Variants in AGBL1 observed in about 807,000 individuals in gnomAD.
AGBL1 encodes the protein cytosolic carboxypeptidase 4.
In AGBL1, 130 loss-of-function variants were observed where a neutral mutation model predicts 118.9. That is an observed-to-expected ratio of 1.09 (90% CI 0.95 to 1.26). AGBL1 has a LOEUF of 1.26. AGBL1 is among the 50% of genes most tolerant of loss of function. The pLI, the probability that AGBL1 is intolerant of heterozygous loss-of-function variation, is 0.00. For synonymous variants in AGBL1, 555 were observed against 478.9 expected (o/e 1.16, Z -2.08); for missense variants, 1,584 against 1,298.1 (o/e 1.22, Z -3.38).
intron 5 of AGBL1, among the ~76,000 whole-genome samples, chr15:86,208,900 G>A (rs970597473): frequency 6.6e-6 from 1 of 152,026 alleles, no homozygotes; most frequent in Admixed American, 6.6e-5. Flanking sequence ...TCTTTTAATT[G>A]TGATGTTAGG....
At chr15:86,637,563 CT>C (rs2085117168) in intron 21 of AGBL1, among the ~76,000 whole-genome samples, 1 of 152,008 alleles carries the variant, frequency 6.6e-6, no homozygotes, top group Non-Finnish European at 1.5e-5. Flanking sequence ...TTCTTTGGAG[CT>C]ACAAAAATAT....
chr15:86,292,841 G>A (rs1383914812), intron 16 of AGBL1, among the ~76,000 whole-genome samples: 1 of 152,150 alleles, frequency 6.6e-6, no homozygotes, highest in Admixed American at 6.5e-5. Flanking sequence ...TTCCTGAAAT[G>A]AACAATATAT....
At chr15:86,413,802 A>AT (rs1596084247) in intron 18 of AGBL1, among the ~76,000 whole-genome samples, 1 of 151,846 alleles carries the variant, frequency 6.6e-6, no homozygotes, top group Non-Finnish European at 1.5e-5. Context: ...GTTTGCAAAT[A>AT]TTTTTTCCCA....
At chr15:86,703,017 T>C (rs893669823) in intron 22 of AGBL1, among the ~76,000 whole-genome samples, 3 of 152,146 alleles carry the variant, frequency 2.0e-5, no homozygotes, top group Non-Finnish European at 2.9e-5. Context: ...AGACTGAGAA[T>C]ACATGGCCAG....
chr15:86,244,911 C>T (rs1010833016), intron 6 of AGBL1, among the ~76,000 whole-genome samples: 1 of 152,116 alleles, frequency 6.6e-6, no homozygotes, highest in African/African-American at 2.4e-5. Context: ...CAATAAATAA[C>T]TCTCATGCTG....
intron 18 of AGBL1, among the ~76,000 whole-genome samples, chr15:86,444,793 C>T (rs1316027408): frequency 2.0e-5 from 3 of 152,106 alleles, no homozygotes; most frequent in African/African-American, 7.2e-5. Flanking sequence ...CACCCACTCC[C>T]CATGCCTTCA....
At chr15:86,214,984 G>A (rs1478078141) in intron 5 of AGBL1, among the ~76,000 whole-genome samples, 6 of 152,192 alleles carry the variant, frequency 3.9e-5, no homozygotes, top group Non-Finnish European at 8.8e-5. Context: ...GAGTTGTAGG[G>A]GAGGAGGTTC....
At chr15:86,580,662 T>C (rs2084161030) in intron 21 of AGBL1, among the ~76,000 whole-genome samples, 1 of 152,080 alleles carries the variant, frequency 6.6e-6, no homozygotes, top group African/African-American at 2.4e-5. Context: ...CAAGTTAGGG[T>C]AATTAGGGCA....
rs559939114 is a variant in AGBL1, at chr15:86,697,838, G to A, written c.3158+23402G>A. Reference sequence around the variant, plus strand: ...GATGTGGCTTCCTGAGAGCTTAACTGTAGTAATTGTTATTTCTCTTCTGGA... The same window carrying A: ...GATGTGGCTTCCTGAGAGCTTAACTATAGTAATTGTTATTTCTCTTCTGGA... On this transcript the variant is annotated intron_variant, in intron 22 of 22. Transcript: ENST00000614907. 9.2e-5 allele frequency among the ~76,000 whole-genome samples: 14 copies of A among 152,030 alleles called. No homozygotes were observed. In the South Asian group the frequency reaches 1.5e-3, roughly 16 times the overall value.
chr15:86,769,533 A>G (rs917637358), intron 22 of AGBL1, among the ~76,000 whole-genome samples: 10 of 151,980 alleles, frequency 6.6e-5, no homozygotes, highest in Admixed American at 2.6e-4. Context: ...TTCTGCAAGT[A>G]ATCTTGTCCA....
chr15:86,818,479 AAC>A (rs1267050802), intron 22 of AGBL1, among the ~76,000 whole-genome samples: 1 of 152,202 alleles, frequency 6.6e-6, no homozygotes, highest in East Asian at 1.9e-4. Flanking sequence ...TCTGAGGTGG[AAC>A]AGTTTCATTC....
chr15:86,932,902 G>C lies in AGBL1; in HGVS notation c.3222-55085G>C, dbSNP rs1177484057. On this transcript the variant is annotated intron_variant, in intron 23 of 24. Transcript: ENST00000441037. ...ATGTTCTGGTCTTGACTGTCTGTGA[G>C]AGCCTTCCTGGTGGAAACAGAATTG... The C allele has an allele frequency of 2.0e-5, 3 of 152,114 alleles. No individual in the cohort carries two copies. In the East Asian group the frequency reaches 5.8e-4, roughly 29 times the overall value. The allele number at this position is 152,114 out of a possible 1,614,324, so 9.4% of individuals were successfully genotyped here.
At chr15:86,859,905 C>G (rs1035876342) in intron 22 of AGBL1, among the ~76,000 whole-genome samples, 1 of 152,090 alleles carries the variant, frequency 6.6e-6, no homozygotes, top group African/African-American at 2.4e-5. Context: ...AAGATACTGT[C>G]GAGTTTGCTA....
At chr15:86,162,995 C>T (rs2077288652) in intron 5 of AGBL1, among the ~76,000 whole-genome samples, 1 of 152,248 alleles carries the variant, frequency 6.6e-6, no homozygotes, top group South Asian at 2.1e-4. Context: ...TTTCGACATG[C>T]ATTCTATTGG....
intron 17 of AGBL1, among the ~76,000 whole-genome samples, chr15:86,378,742 A>G (rs2081072321): frequency 6.6e-6 from 1 of 152,122 alleles, no homozygotes; most frequent in East Asian, 1.9e-4. Context: ...ACATGTAAGT[A>G]ACATATGCAA....
intron 17 of AGBL1, among the ~76,000 whole-genome samples, chr15:86,343,462 C>T (rs944707686): frequency 6.6e-6 from 1 of 152,130 alleles, no homozygotes; most frequent in African/African-American, 2.4e-5. Context: ...GCTGATTTCT[C>T]CAGTTTCATG....
rs16976683 is a variant in AGBL1, at chr15:86,388,415, T to C, written c.2375-8951T>C. 4.5e-3 allele frequency among the ~76,000 whole-genome samples: 681 copies of C among 152,282 alleles called. 20 individuals carry two copies. The East Asian group carries it at 0.074, about 17-fold the overall frequency. On this transcript the variant is annotated intron_variant, in intron 17 of 22. Transcript: ENST00000614907. ...ATAGAATTAAAGCAGATTGAAACCA[T>C]TGGGTAAAAAGTTTGATTTTCATCT...
intron 5 of AGBL1, among the ~76,000 whole-genome samples, chr15:86,209,728 TC>T (rs775988072): frequency 5.9e-5 from 9 of 152,194 alleles, no homozygotes; most frequent in Admixed American, 1.3e-4. Flanking sequence ...GAGATGGGTC[TC>T]CTGAATACAG....
intron 18 of AGBL1, among the ~76,000 whole-genome samples, chr15:86,515,761 C>T (rs2083113027): frequency 6.6e-6 from 1 of 152,172 alleles, no homozygotes; most frequent in African/African-American, 2.4e-5. Context: ...AAATTCTTCA[C>T]AAACAGTTGT....
Sources: gnomAD v4.1 joint callset for allele counts (sites outside exome capture counted in the v4.1 genomes callset) on GRCh38, gnomAD v4.1.1 for gene constraint, MANE v1.5 for transcripts, NCBI Gene and HGNC (gene_info 2026-07-23, HGNC 2026-07-21) for gene names.